LRRFIP1: variants seen among roughly 807,000 people sequenced by gnomAD.
LRRFIP1 encodes the protein LRR binding FLII interacting protein 1, also known as leucine-rich repeat flightless-interacting protein 1.
In LRRFIP1, 62 loss-of-function variants were observed where a neutral mutation model predicts 104.4. The observed-to-expected ratio is 0.59, with a 90% CI of 0.48 to 0.73. The LOEUF (loss-of-function observed/expected upper bound fraction) is 0.73, where lower values mean the gene tolerates loss of function less well. Among genes scored for constraint, LRRFIP1 ranks in the 30% least tolerant of loss-of-function variants. The pLI is 0.00. For missense variants in LRRFIP1, 796 were observed against 824.5 expected (o/e 0.97, Z 0.42); for synonymous variants, 300 against 299.0 (o/e 1.00, Z -0.03).
chr2:237,716,047 A>G (rs1334463102), intron 3 of LRRFIP1, among the ~76,000 whole-genome samples: 1 of 152,230 alleles, frequency 6.6e-6, no homozygotes, highest in East Asian at 1.9e-4. Context: ...AAATCTATGA[A>G]AACAGAAAAA....
chr2:237,735,754 G>A lies in LRRFIP1; in HGVS notation c.555+421G>A, dbSNP rs924654822. 1 of 164,122 alleles carries A rather than the reference G, an allele frequency of 6.1e-6. No individual in the cohort carries two copies. The highest frequency in any genetic ancestry group is 2.4e-5 in the African/African-American group (1 of 41,734). 10.2% of individuals were successfully genotyped at this position (164,122 alleles called of 1,614,324 possible). ...ATATTTCATTCCCTGTTTGTATTTT[G>A]TTGTCTCTCTACCTCTTTCTTCAAT... On this transcript the variant is annotated intron_variant, in intron 10 of 23. Transcript: ENST00000308482. The surrounding 1 kb of genome is among the most constrained non-coding windows in gnomAD (Gnocchi z 4.6).
intron 22 of LRRFIP1, among the ~76,000 whole-genome samples, chr2:237,773,208 C>A (rs560055460): frequency 6.6e-6 from 1 of 152,254 alleles, no homozygotes; most frequent in East Asian, 1.9e-4. Context: ...GCTAATGTGG[C>A]TTGGGAGTGT....
chr2:237,743,851 A>G (rs1168032195), intron 11 of LRRFIP1, among the ~76,000 whole-genome samples: 4 of 152,158 alleles, frequency 2.6e-5, no homozygotes, highest in Non-Finnish European at 4.4e-5. Context: ...GACTCCACCT[A>G]GTGAAGCCAA....
At chr2:237,753,266 A>AT in intron 14 of LRRFIP1, 43 bp from the exon 15 acceptor site, 1 of 1,485,730 alleles carries the variant, frequency 6.7e-7, no homozygotes, top group Non-Finnish European at 9.1e-7. Flanking sequence ...CTTTGTTTTG[A>AT]TTTTTTTATT....
intron 11 of LRRFIP1, among the ~76,000 whole-genome samples, chr2:237,747,818 T>G (rs551130595): frequency 6.0e-4 from 92 of 152,204 alleles, no homozygotes; most frequent in African/African-American, 2.2e-3. Context: ...CTCAGTGGGC[T>G]TATGATAAGA....
intron 20 of LRRFIP1, 43 bp from the exon 21 acceptor site, chr2:237,772,038 C>G (rs2060688739): frequency 1.4e-6 from 2 of 1,415,768 alleles, no homozygotes; most frequent in African/African-American, 1.4e-5. Flanking sequence ...CGGTCTCATT[C>G]AGAGTAGAGA....
intron 19 of LRRFIP1, chr2:237,762,465 T>C (rs2059971906): frequency 4.0e-6 from 3 of 749,398 alleles, no homozygotes; most frequent in Non-Finnish European, 6.4e-6. Context: ...TGGCAAAGGC[T>C]TGTTTCTCAT....
At chr2:237,642,811 C>T (rs1443413576) in intron 1 of LRRFIP1, among the ~76,000 whole-genome samples, 1 of 152,170 alleles carries the variant, frequency 6.6e-6, no homozygotes, top group Non-Finnish European at 1.5e-5. Context: ...GTTCCTATTT[C>T]CTGGTTCTAG....
At chr2:237,641,450 T>C (rs542416065) in intron 1 of LRRFIP1, among the ~76,000 whole-genome samples, 119 of 151,162 alleles carry the variant, frequency 7.9e-4, no homozygotes, top group Non-Finnish European at 9.4e-4. Flanking sequence ...TGAGCTGAGA[T>C]TGTGCCATTG....
chr2:237,627,811 C>G (rs1303909002), intron 1 of LRRFIP1, 71 bp downstream of exon 1: 2 of 989,798 alleles, frequency 2.0e-6, no homozygotes, highest in East Asian at 8.0e-5. Flanking sequence ...CAGGGTCTCT[C>G]CGGCGTCCGT....
intron 1 of LRRFIP1, among the ~76,000 whole-genome samples, chr2:237,688,221 A>C (rs2092517836): frequency 6.6e-6 from 1 of 152,152 alleles, no homozygotes; most frequent in Admixed American, 6.5e-5. Context: ...CAGTGCAGAG[A>C]TTCTGGGCTT....
intron 1 of LRRFIP1, among the ~76,000 whole-genome samples, chr2:237,666,868 CTCTT>C (rs1483195087): frequency 7.3e-6 from 1 of 136,540 alleles, no homozygotes; most frequent in African/African-American, 2.8e-5. Flanking sequence ...TTTCTTTCTT[CTCTT>C]TCTCTCGCTC....
intron 1 of LRRFIP1, among the ~76,000 whole-genome samples, chr2:237,671,149 C>T (rs566878302): frequency 8.7e-4 from 132 of 152,284 alleles, no homozygotes; most frequent in Non-Finnish European, 9.9e-4. Context: ...TGACCATTAC[C>T]GTTGATGATC....
At chr2:237,777,528 C>T (rs369102092) in intron 23 of LRRFIP1, among the ~76,000 whole-genome samples, 1 of 152,234 alleles carries the variant, frequency 6.6e-6, no homozygotes, top group African/African-American at 2.4e-5. Context: ...ATTATGCCAC[C>T]ATCTGCTGGC....
intron 1 of LRRFIP1, among the ~76,000 whole-genome samples, chr2:237,689,279 A>T (rs2092611531): frequency 6.6e-6 from 1 of 152,180 alleles, no homozygotes; most frequent in Non-Finnish European, 1.5e-5. Context: ...ATCTAAAAAC[A>T]CCAAGAAAGA....
intron 1 of LRRFIP1, among the ~76,000 whole-genome samples, chr2:237,662,370 T>G (rs576688589): frequency 1.3e-5 from 2 of 152,162 alleles, no homozygotes; most frequent in Admixed American, 1.3e-4. Flanking sequence ...TGGGTGGACA[T>G]GAACTTTTGG....
chr2:237,705,000 C>G (rs528193183), intron 1 of LRRFIP1, among the ~76,000 whole-genome samples: 1 of 152,170 alleles, frequency 6.6e-6, no homozygotes, highest in African/African-American at 2.4e-5. Flanking sequence ...TGATGGGAAC[C>G]TTTTCCTGGG....
rs927740107 is a variant in LRRFIP1, at chr2:237,676,575, G to A, written c.97-31969G>A. Among the ~76,000 whole-genome samples the A allele has an allele frequency of 4.6e-5, 7 of 152,238 alleles. No individual in the cohort carries two copies. The South Asian group carries it at 8.3e-4, about 18-fold the overall frequency. On this transcript the variant is annotated intron_variant, in intron 1 of 23. Coordinates refer to ENST00000308482, the MANE Select transcript of LRRFIP1 (RefSeq NM_001137550.2). ...GGCTGGAGTTCAGTGACACGATCTCGGCTCATTGCAACCTCCGCCTCTCCG... is the reference window on the plus strand; with the variant it reads ...GGCTGGAGTTCAGTGACACGATCTCAGCTCATTGCAACCTCCGCCTCTCCG...
Position 237,719,940 on chromosome 2 carries a change from C to CTTTT in LRRFIP1, c.294+395_294+398dup, listed in dbSNP as rs57355213. 7.3e-3 allele frequency among the ~76,000 whole-genome samples: 756 copies of CTTTT among 103,940 alleles called. 24 individuals carry two copies. The highest frequency in any genetic ancestry group is 0.012 in the Non-Finnish European group (644 of 53,014). The allele number at this position is 103,940 out of a possible 152,430, so 68.2% of individuals were successfully genotyped here. Reference sequence around the variant, plus strand: ...AAAGAATACTACTTGGATGAAATTACTTTTTTTTTTTTTTTTTTTTTTTTT... The same window carrying CTTTT: ...AAAGAATACTACTTGGATGAAATTACTTTTTTTTTTTTTTTTTTTTTTTTTTTTT... On this transcript the variant is annotated intron_variant, in intron 5 of 23. Coordinates refer to ENST00000308482, the MANE Select transcript of LRRFIP1 (RefSeq NM_001137550.2).
Sources: gnomAD v4.1 joint callset for allele counts (sites outside exome capture counted in the v4.1 genomes callset) on GRCh38, gnomAD v4.1.1 for gene constraint, Gnocchi (gnomAD v3.1) non-coding constraint, MANE v1.5 for transcripts, NCBI Gene and HGNC (gene_info 2026-07-23, HGNC 2026-07-21) for gene names.